DNAH9: variants seen among roughly 807,000 people sequenced by gnomAD.
The protein encoded by DNAH9 is dynein axonemal heavy chain 9.
DNAH9 carries 345 observed loss-of-function variants against 471.6 expected under a neutral mutation model. The observed-to-expected ratio is 0.73, with a 90% CI of 0.67 to 0.80. The LOEUF (loss-of-function observed/expected upper bound fraction) is 0.80, where lower values mean the gene tolerates loss of function less well. Ranked by LOEUF, DNAH9 falls within the 30% of genes least tolerant of loss-of-function variation. DNAH9 has a pLI of 0.00. For synonymous variants in DNAH9, 2,093 were observed against 2,123.6 expected (o/e 0.99, Z 0.40); for missense variants, 5,407 against 5,609.2 (o/e 0.96, Z 1.15).
chr17:11,738,869 T>TG lies in DNAH9; in HGVS notation c.5815-9dup, dbSNP rs1197463594. 2.5e-6 allele frequency: 4 copies of TG among 1,613,090 alleles called. No individual in the cohort carries two copies. The highest frequency in any genetic ancestry group is 3.4e-6 in the Non-Finnish European group (4 of 1,179,212). On this transcript the variant is annotated splice_polypyrimidine_tract_variant and intron_variant, in intron 28 of 68. Coordinates refer to ENST00000262442, the MANE Select transcript of DNAH9 (RefSeq NM_001372.4). ...ATTGAGGAATTTCTCGCTGATTGAT[T>TG]GGTTCACCAGGTAAAAAGCATTCAA...
chr17:11,808,887 C>A (rs919766598), intron 44 of DNAH9, among the ~76,000 whole-genome samples: 1 of 152,166 alleles, frequency 6.6e-6, no homozygotes, highest in Non-Finnish European at 1.5e-5. Flanking sequence ...CTGAGAAACA[C>A]TGTCTTAGAT....
At chr17:11,791,838 C>T (rs934948194) in intron 41 of DNAH9, among the ~76,000 whole-genome samples, 3 of 152,056 alleles carry the variant, frequency 2.0e-5, no homozygotes, top group African/African-American at 7.2e-5. Context: ...TGGGCGACTT[C>T]AACAAGAGGT....
chr17:11,930,263 AC>A (rs1974465595), intron 63 of DNAH9, among the ~76,000 whole-genome samples, 170 bp downstream of exon 63: 1 of 151,822 alleles, frequency 6.6e-6, no homozygotes, highest in Non-Finnish European at 1.5e-5. Flanking sequence ...GGGCAACCCC[AC>A]TCTCCATTGC....
In DNAH9 at chr17:11,962,044, C is replaced by A. The variant is rs1329998075; in HGVS notation, c.13021C>A (p.Pro4341Thr). The stretch of plus-strand genomic sequence containing the variant: ...GGCTTGGACGGGTGACTTTACAATG[C>A]CCTCCACTGTGTGGCTGACAGGCTT... Reference protein sequence around the residue: ...LEAWTGDFTMPSTVWLTGFFN... With the variant: ...LEAWTGDFTMTSTVWLTGFFN... Residue 4341 changes from proline to threonine, a missense_variant, in exon 68 of 69, where the codon CCC becomes ACC. By Grantham distance (38) the Pro-to-Thr change is conservative (BLOSUM62 -1). Coordinates refer to ENST00000262442, the MANE Select transcript of DNAH9 (RefSeq NM_001372.4). This position sits in a 1 kb window ranked among gnomAD's most constrained non-coding sequence, Gnocchi z 4.1. 2 of 1,614,180 alleles carry A rather than the reference C, an allele frequency of 1.2e-6. No individual in the cohort carries two copies. The highest frequency in any genetic ancestry group is 3.3e-5 in the Admixed American group (2 of 60,024).
At chr17:11,728,042 T>C (rs1422422927) in intron 28 of DNAH9, 120 bp downstream of exon 28, 1 of 674,256 alleles carries the variant, frequency 1.5e-6, no homozygotes, top group African/African-American at 1.8e-5. Flanking sequence ...TGTCATTTCA[T>C]GCCCCTTTCT....
At position 11,894,233 on chromosome 17, in the gene DNAH9, C is replaced by T. The variant is rs752083677; in HGVS notation, c.11284-141C>T. The T allele has an allele frequency of 2.2e-5, 23 of 1,032,890 alleles. No individual in the cohort carries two copies. The Admixed American group carries it at 2.9e-4, about 13-fold the overall frequency. 64.0% of individuals were successfully genotyped at this position (1,032,890 alleles called of 1,614,324 possible). A position where few individuals can be genotyped will look rare whatever the true frequency, so the allele number is the denominator to read the frequency against. Reference sequence around the variant, plus strand: ...GTGTGTGAATATACACTTCCTTCCACTCTACCCTCATTAAACAACCAAAAT... The same window carrying T: ...GTGTGTGAATATACACTTCCTTCCATTCTACCCTCATTAAACAACCAAAAT... On this transcript the variant is annotated intron_variant, in intron 58 of 68. Transcript: ENST00000262442.
intron 2 of DNAH9, among the ~76,000 whole-genome samples, chr17:11,608,795 G>A (rs535620374): frequency 7.9e-5 from 12 of 152,056 alleles, no homozygotes; most frequent in Non-Finnish European, 1.5e-4. Context: ...ACAGGTCCTG[G>A]GGATTTTTTT....
chr17:11,921,685 C>T lies in DNAH9; in HGVS notation c.11750-2129C>T, dbSNP rs114902315. Among the ~76,000 whole-genome samples, 811 of 152,300 alleles carry T rather than the reference C, an allele frequency of 5.3e-3. 14 individuals carry two copies. The highest frequency in any genetic ancestry group is 0.018 in the African/African-American group (767 of 41,558). On this transcript the variant is annotated intron_variant, in intron 61 of 68. Coordinates refer to ENST00000262442, the MANE Select transcript of DNAH9 (RefSeq NM_001372.4). ...GCACCCATGAGGCTCACATGGGATGCGGCCACCTTTGGCTGAGTGTTCAGT... is the reference window on the plus strand; with the variant it reads ...GCACCCATGAGGCTCACATGGGATGTGGCCACCTTTGGCTGAGTGTTCAGT...
At chr17:11,769,528 T>A (rs1968114051) in intron 38 of DNAH9, among the ~76,000 whole-genome samples, 199 bp downstream of exon 38, 1 of 152,226 alleles carries the variant, frequency 6.6e-6, no homozygotes, top group African/African-American at 2.4e-5. Flanking sequence ...GCACTGCTTC[T>A]GGTCTTTCTT....
intron 22 of DNAH9, among the ~76,000 whole-genome samples, 193 bp downstream of exon 22, chr17:11,694,640 T>TTTCTCGCTTTCTC (rs2074402896): frequency 3.8e-4 from 1 of 2,664 alleles, no homozygotes; most frequent in African/African-American, 5.6e-4. Context: ...CTTGCTTTCT[T>TTTCTCGCTTTCTC]GCTTTCTCGC....
Position 11,640,311 on chromosome 17 carries a change from G to C in DNAH9, c.1828G>C (p.Gly610Arg). Residue 610 changes from glycine to arginine, a missense_variant, in exon 10 of 69, where the codon GGC (glycine) becomes CGC (arginine). Physicochemically the swap from Gly to Arg is moderately radical, Grantham distance 125. Coordinates refer to ENST00000262442, the MANE Select transcript of DNAH9 (RefSeq NM_001372.4). ...CAAGAACATGCCCACCGTGGCTGGC[G>C]GCCTCCGCTGGGCACAGGAGCTGAG... is the stretch of plus-strand genomic sequence containing the variant. ...VHKNMPTVAG[G>R]LRWAQELRQR... 2 of 1,613,910 alleles carry C rather than the reference G, an allele frequency of 1.2e-6. No individual in the cohort carries two copies. Among genetic ancestry groups the C allele is most frequent in the South Asian group, 2.2e-5 (2 of 91,058 alleles).
chr17:11,834,647 C>A lies in DNAH9; in HGVS notation c.9256C>A (p.Leu3086Met), dbSNP rs757627474. 6.2e-6 allele frequency: 10 copies of A among 1,613,898 alleles called. No homozygotes were observed. The highest frequency in any genetic ancestry group is 8.5e-6 in the Non-Finnish European group (10 of 1,179,992). The change falls in exon 49 of 69, where the codon CTG (leucine) becomes ATG (methionine). Residue 3086 changes from leucine (L) to methionine (M), a missense_variant. Transcript: ENST00000262442. ...LHSTSAQVDD[L>M]KAKLAAQEVE... ...TGCTTCTCCAATGCAGGTGGATGAT[C>A]TGAAAGCAAAGCTGGCTGCCCAGGA...
At chr17:11,817,877 T>C (rs1004194824) in intron 45 of DNAH9, among the ~76,000 whole-genome samples, 3 of 150,736 alleles carry the variant, frequency 2.0e-5, no homozygotes, top group African/African-American at 7.5e-5. Flanking sequence ...ACTTTCATGA[T>C]AATTCATTTT....
At chr17:11,636,914 T>C in intron 9 of DNAH9, 130 bp downstream of exon 9, 1 of 833,450 alleles carries the variant, frequency 1.2e-6, no homozygotes, top group East Asian at 2.6e-5. Context: ...CACAACCTTC[T>C]TGCTTGAAAT....
chr17:11,723,064 C>T (rs1597544338), intron 27 of DNAH9: 1 of 152,266 alleles, frequency 6.6e-6, no homozygotes, highest in Non-Finnish European at 1.5e-5. Context: ...TGCTGATCCT[C>T]TTTTATAATT....
intron 50 of DNAH9, among the ~76,000 whole-genome samples, chr17:11,866,749 T>C (rs1972071279): frequency 6.6e-6 from 1 of 152,232 alleles, no homozygotes; most frequent in Admixed American, 6.5e-5. Context: ...CCAGCCTCGC[T>C]GCCGCCTTGC....
intron 58 of DNAH9, 79 bp from the exon 59 acceptor site, chr17:11,894,295 T>C: frequency 1.5e-5 from 24 of 1,571,254 alleles, no homozygotes; most frequent in Middle Eastern, 1.7e-4. Flanking sequence ...GTAATAATTA[T>C]ACTGAGTGAC....
chr17:11,805,640 C>T (rs1250534292), intron 43 of DNAH9, among the ~76,000 whole-genome samples: 1 of 138,176 alleles, frequency 7.2e-6, no homozygotes, highest in South Asian at 2.4e-4. Context: ...CTGTAACCTC[C>T]GCCTCCTATG....
intron 61 of DNAH9, among the ~76,000 whole-genome samples, chr17:11,911,671 C>A (rs567068382): frequency 4.6e-5 from 7 of 152,226 alleles, no homozygotes; most frequent in African/African-American, 1.4e-4. Context: ...TAGATAAGAT[C>A]TAGAGAGTAT....
Sources: gnomAD v4.1 joint callset for allele counts (sites outside exome capture counted in the v4.1 genomes callset) on GRCh38, gnomAD v4.1.1 for gene constraint, Gnocchi (gnomAD v3.1) non-coding constraint, MANE v1.5 for transcripts, NCBI Gene and HGNC (gene_info 2026-07-23, HGNC 2026-07-21) for gene names.